The following ZIC4 variants were observed in gnomAD, a reference collection of about 807,000 sequenced individuals.
ZIC4 encodes Zic family zinc finger 4.
A neutral mutation model predicts 28.8 loss-of-function variants in ZIC4; 15 were observed. The ratio of observed to expected loss-of-function variants is 0.52; its 90% CI spans 0.35 to 0.80. ZIC4 has a LOEUF of 0.80. ZIC4 is among the 30% of genes least tolerant of loss of function. ZIC4 has a pLI of 0.01. For missense variants in ZIC4, 512 were observed against 467.1 expected (o/e 1.10, Z -0.89); for synonymous variants, 220 against 198.1 (o/e 1.11, Z -0.93).
rs2087042524 is a variant in ZIC4 at position 147,396,320 on chromosome 3, G to A, written c.220C>T (p.Arg74Trp). Residue 74 changes from arginine to tryptophan, a missense_variant, in exon 3 of 5, where the codon CGG becomes TGG. Coordinates refer to ENST00000383075, the MANE Select transcript of ZIC4 (RefSeq NM_032153.6). This position sits in a 1 kb window ranked among gnomAD's most constrained non-coding sequence, Gnocchi z 4.2. The part of the protein sequence containing the change: ...RLGLPGDMYA[R>W]PEPFPPGPAA... Reference sequence around the variant, plus strand: ...GGCCCTGGCGGGAAGGGCTCCGGCCGCGCGTACATGTCTCCAGGGAGCCCC... The same window carrying A: ...GGCCCTGGCGGGAAGGGCTCCGGCCACGCGTACATGTCTCCAGGGAGCCCC... 1.3e-6 allele frequency: 2 copies of A among 1,594,384 alleles called. No homozygotes were observed. Among genetic ancestry groups the A allele is most frequent in the Non-Finnish European group, 8.5e-7 (1 of 1,170,994 alleles).
rs1193515285 is a variant in ZIC4, at chr3:147,387,393, G to A, written c.*1466C>T. 1.3e-5 allele frequency: 2 copies of A among 152,586 alleles called. No individual in the cohort carries two copies. Among genetic ancestry groups the A allele is most frequent in the African/African-American group, 2.4e-5 (1 of 41,444 alleles). 9.5% of individuals were successfully genotyped at this position (152,586 alleles called of 1,614,324 possible). A position where few individuals can be genotyped will look rare whatever the true frequency, so the allele number is the denominator to read the frequency against. On this transcript the variant is annotated 3_prime_UTR_variant, in exon 5 of 5. Transcript: ENST00000383075. ...AAATCGCTGACAAAGAACCTTTTAC[G>A]TTTCATCAGCGTTGTTAGGACGACA...
rs764197196 is a variant in ZIC4 at position 147,396,267 on chromosome 3, A to G, written c.273T>C (p.Ala91=). 110 of 1,611,520 alleles carry G rather than the reference A, an allele frequency of 6.8e-5. No individual in the cohort carries two copies. Among genetic ancestry groups the G allele is most frequent in the East Asian group, 1.1e-4 (5 of 44,776 alleles). The change falls in exon 3 of 5, where the codon GCT becomes GCC. Residue 91 remains alanine (A), a synonymous_variant. Coordinates refer to ENST00000383075, the MANE Select transcript of ZIC4 (RefSeq NM_032153.6). The surrounding 1 kb of genome is among the most constrained non-coding windows in gnomAD (Gnocchi z 4.2). ...CCCCGTAGCCATGCAGGGCTGCGGC[A>G]GCTGCCAGGGCGTCGCTGCGGGCCG... ...GPAARSDALA[A]AAALHGYGGM...
Position 147,404,094 on chromosome 3 carries a change from G to A in ZIC4, c.-15-1282C>T, listed in dbSNP as rs903837263. 2.0e-5 allele frequency: 30 copies of A among 1,536,620 alleles called. No individual in the cohort carries two copies. The Admixed American group carries it at 2.0e-4, about 10-fold the overall frequency. ...TAACTTTGCATTCCTACAGAAGGGC[G>A]GCATGCTGGGCGTCCTCGCTCTGAA... On this transcript the variant is annotated intron_variant, in intron 1 of 4. Transcript: ENST00000383075.
intron 3 of ZIC4, among the ~76,000 whole-genome samples, chr3:147,394,137 T>TCTCTCTCTCA (rs2086988085): frequency 6.6e-6 from 1 of 151,924 alleles, no homozygotes; most frequent in South Asian, 2.1e-4. Context: ...TCTCTCTCTC[T>TCTCTCTCTCA]CTCTCACTCT....
chr3:147,392,510 G>A (rs1017892719), intron 3 of ZIC4: 38 of 908,410 alleles, frequency 4.2e-5, no homozygotes, highest in Non-Finnish European at 5.0e-5. Flanking sequence ...AAGTGCTGCG[G>A]AAATGGGGGA....
rs1383707392 is a variant in ZIC4, at chr3:147,386,096, C to T, written c.*2763G>A. On this transcript the variant is annotated 3_prime_UTR_variant, in exon 5 of 5. Transcript: ENST00000383075. ...ATTATTTATTTCCAAAGAAAATAGC[C>T]AAATGCAGCGCCATGTACACAAAAG... is the stretch of plus-strand genomic sequence containing the variant. The T allele has an allele frequency of 1.3e-5, 2 of 152,164 alleles. No homozygotes were observed. 9.4% of individuals were successfully genotyped at this position (152,164 alleles called of 1,614,324 possible).
At chr3:147,394,086 G>T (rs1298736772) in intron 3 of ZIC4, 2 of 391,952 alleles carry the variant, frequency 5.1e-6, no homozygotes, top group Admixed American at 3.0e-5. Flanking sequence ...TTGTAGTGAG[G>T]TCTATTGCCA....
At chr3:147,389,788 T>C (rs756928704) in intron 4 of ZIC4, among the ~76,000 whole-genome samples, 6 of 152,178 alleles carry the variant, frequency 3.9e-5, no homozygotes, top group Admixed American at 2.0e-4. Context: ...CTACACCTTT[T>C]TAAAAATAAG....
chr3:147,388,803 A>T lies in ZIC4; in HGVS notation c.*56T>A, dbSNP rs1056586806. The stretch of plus-strand genomic sequence containing the variant: ...GGCCCTTTGATGTAGCAGGCGCGAG[A>T]TGCGGGGCGCTCAGCTGCGCGGAGC... On this transcript the variant is annotated 3_prime_UTR_variant, in exon 5 of 5. Transcript: ENST00000383075. The T allele has an allele frequency of 1.0e-5, 8 of 770,886 alleles. No individual in the cohort carries two copies. The highest frequency in any genetic ancestry group is 1.7e-5 in the Non-Finnish European group (7 of 415,114). 47.8% of individuals were successfully genotyped at this position (770,886 alleles called of 1,614,324 possible). A position where few individuals can be genotyped will look rare whatever the true frequency, so the allele number is the denominator to read the frequency against.
Position 147,406,356 on chromosome 3 carries a change from C to A in ZIC4, c.-16+7G>T. On this transcript the variant is annotated splice_region_variant and intron_variant, in intron 1 of 4. Coordinates refer to ENST00000383075, the MANE Select transcript of ZIC4 (RefSeq NM_032153.6). ...CATCTGTCTGCCCCCTGGACTCACG[C>A]ACTTACCCCACTCCACCTGTTGCCA... 6.5e-6 allele frequency: 1 copy of A among 152,692 alleles called. No individual in the cohort carries two copies. Among genetic ancestry groups the A allele is most frequent in the Non-Finnish European group, 1.5e-5 (1 of 68,266 alleles). The allele number at this position is 152,692 out of a possible 1,614,324, so 9.5% of individuals were successfully genotyped here.
chr3:147,391,369 T>C (rs867222649), intron 3 of ZIC4, 123 bp from the exon 4 acceptor site: 1 of 1,293,474 alleles, frequency 7.7e-7, no homozygotes, highest in Non-Finnish European at 1.0e-6. Context: ...CAGAAATCCC[T>C]TTCCACGGCG....
chr3:147,393,851 C>G (rs1338432188), intron 3 of ZIC4: 2 of 456,210 alleles, frequency 4.4e-6, no homozygotes, highest in East Asian at 7.0e-5. Flanking sequence ...CCTCCCTCCC[C>G]GAGGCACCAT....
chr3:147,390,916 C>T lies in ZIC4; in HGVS notation c.1004+15G>A. The T allele has an allele frequency of 1.3e-6, 2 of 1,596,590 alleles. No homozygotes were observed. Among genetic ancestry groups the T allele is most frequent in the Non-Finnish European group, 1.7e-6 (2 of 1,171,344 alleles). ...GGGGGCAGCCGCTATGGGGCCCAAG[C>T]CCTGACACACGTACCATTCGCTCAA... On this transcript the variant is annotated intron_variant, in intron 4 of 4. Transcript: ENST00000383075.
chr3:147,403,318 C>A (rs182607818), intron 1 of ZIC4, among the ~76,000 whole-genome samples: 1 of 152,254 alleles, frequency 6.6e-6, no homozygotes, highest in Admixed American at 6.5e-5. Context: ...CCTGTTCTGC[C>A]TGTGGTGGTG....
chr3:147,406,205 GGA>G (rs1448507279), intron 1 of ZIC4, 156 bp downstream of exon 1: 1 of 153,006 alleles, frequency 6.5e-6, no homozygotes, highest in Non-Finnish European at 1.5e-5. Context: ...CACGGTTGGG[GGA>G]GGGGGGTAGG....
At chr3:147,400,457 G>A (rs1422988177) in intron 2 of ZIC4, among the ~76,000 whole-genome samples, 2 of 152,176 alleles carry the variant, frequency 1.3e-5, no homozygotes, top group East Asian at 1.9e-4. Context: ...CTTGAAAGCT[G>A]AAAACATCTG....
chr3:147,402,637 A>T, intron 2 of ZIC4, 91 bp downstream of exon 2: 1 of 1,238,264 alleles, frequency 8.1e-7, no homozygotes, highest in Middle Eastern at 2.2e-4. Flanking sequence ...TAAACAAAAG[A>T]CAAAACAAAA....
intron 3 of ZIC4, among the ~76,000 whole-genome samples, chr3:147,394,107 A>AT (rs1003870287): frequency 1.2e-4 from 18 of 148,700 alleles, no homozygotes; most frequent in East Asian, 6.0e-4. Context: ...TTTGAGAAAT[A>AT]TTTTTTTTCC....
At chr3:147,402,022 G>C (rs1328492697) in intron 2 of ZIC4, among the ~76,000 whole-genome samples, 1 of 152,168 alleles carries the variant, frequency 6.6e-6, no homozygotes, top group Non-Finnish European at 1.5e-5. Context: ...GGTTAGGAAG[G>C]TTCCTTTGTC....
Sources: allele counts gnomAD v4.1 joint callset (sites outside exome capture counted in the v4.1 genomes callset), GRCh38; gene constraint gnomAD v4.1.1; non-coding constraint Gnocchi (gnomAD v3.1); transcripts MANE v1.5; gene names NCBI Gene and HGNC (gene_info 2026-07-23, HGNC 2026-07-21).